GPC5: variants seen among roughly 807,000 people sequenced by gnomAD.
The protein encoded by GPC5 is glypican-5.
In GPC5, 47 loss-of-function variants were observed where a neutral mutation model predicts 53.9. That is an observed-to-expected ratio of 0.87 (90% CI 0.69 to 1.11). The LOEUF (loss-of-function observed/expected upper bound fraction) is 1.11. Ranked by LOEUF, GPC5 falls within the 50% of genes most tolerant of loss-of-function variation. The probability of loss-of-function intolerance (pLI) is 0.00; values close to 1 mark genes in which losing one functional copy is unlikely to be tolerated. For synonymous variants in GPC5, 286 were observed against 263.3 expected, an observed-to-expected ratio of 1.09 and a Z score of -0.84; for missense variants, 748 against 713.1, an observed-to-expected ratio of 1.05 and a Z score of -0.56.
At chr13:92,745,292 C>A (rs1889213124) in intron 7 of GPC5, among the ~76,000 whole-genome samples, 1 of 151,988 alleles carries the variant, frequency 6.6e-6, no homozygotes, top group South Asian at 2.1e-4. Flanking sequence ...AACACAAATT[C>A]TTTGTATTTT....
At chr13:91,526,305 T>G (rs536632555) in intron 2 of GPC5, among the ~76,000 whole-genome samples, 1 of 152,206 alleles carries the variant, frequency 6.6e-6, no homozygotes, top group African/African-American at 2.4e-5. Context: ...ATACTTGGAA[T>G]TGAAAGATCA....
At chr13:92,039,594 T>A (rs1365493168) in intron 6 of GPC5, among the ~76,000 whole-genome samples, 1 of 152,232 alleles carries the variant, frequency 6.6e-6, no homozygotes, top group Non-Finnish European at 1.5e-5. Flanking sequence ...GGAGCTGCCA[T>A]AACAAACTAC....
chr13:92,651,527 G>T (rs1220629479), intron 7 of GPC5, among the ~76,000 whole-genome samples: 3 of 152,074 alleles, frequency 2.0e-5, no homozygotes, highest in Non-Finnish European at 4.4e-5. Context: ...ATCTGCAAAA[G>T]TGTCACAGCC....
At chr13:91,977,733 G>C (rs894668245) in intron 6 of GPC5, among the ~76,000 whole-genome samples, 3 of 152,116 alleles carry the variant, frequency 2.0e-5, no homozygotes, top group Non-Finnish European at 1.5e-5. Flanking sequence ...AACATACTTT[G>C]TTAAAATAAT....
Position 92,172,357 on chromosome 13 carries a change from G to A in GPC5, c.1561+27368G>A, listed in dbSNP as rs141437367. On this transcript the variant is annotated intron_variant, in intron 7 of 7. Transcript: ENST00000377067. Reference sequence around the variant, plus strand: ...AGCCATTTAAGGATCATTATGGTATGAGTGCCAAAATGAAATGTTTTAAAG... The same window carrying A: ...AGCCATTTAAGGATCATTATGGTATAAGTGCCAAAATGAAATGTTTTAAAG... Among the ~76,000 whole-genome samples the A allele has an allele frequency of 2.7e-3, 406 of 152,282 alleles. 3 individuals carry two copies. Among genetic ancestry groups the A allele is most frequent in the African/African-American group, 9.2e-3 (382 of 41,558 alleles).
chr13:92,412,039 T>G (rs1297765908), intron 7 of GPC5, among the ~76,000 whole-genome samples: 1 of 152,190 alleles, frequency 6.6e-6, no homozygotes, highest in Admixed American at 6.5e-5. Context: ...ATTATTAACC[T>G]TTGACATACG....
At chr13:92,758,994 G>GTTTTTTTTTTTTT (rs68182839) in intron 7 of GPC5, among the ~76,000 whole-genome samples, 23 of 70,570 alleles carry the variant, frequency 3.3e-4, no homozygotes, top group East Asian at 6.3e-4. Flanking sequence ...TCCCATTGCG[G>GTTTTTTTTTTTTT]TTTTTTTTTT....
At chr13:91,854,796 A>G (rs2038949752) in intron 5 of GPC5, among the ~76,000 whole-genome samples, 1 of 151,828 alleles carries the variant, frequency 6.6e-6, no homozygotes, top group Non-Finnish European at 1.5e-5. Context: ...TATATTTTAA[A>G]TGAGGCTTAT....
At chr13:92,436,524 GCTTT>G (rs1877311547) in intron 7 of GPC5, among the ~76,000 whole-genome samples, 1 of 152,048 alleles carries the variant, frequency 6.6e-6, no homozygotes, top group Admixed American at 6.6e-5. Context: ...TCCATCTCTT[GCTTT>G]CTATTTCCCA....
chr13:91,865,072 C>T (rs184703510), intron 5 of GPC5, among the ~76,000 whole-genome samples: 6 of 151,790 alleles, frequency 4.0e-5, no homozygotes, highest in Admixed American at 6.6e-5. Flanking sequence ...ACACCACACC[C>T]GGCTAATTTT....
intron 4 of GPC5, among the ~76,000 whole-genome samples, chr13:91,735,706 A>G (rs1235362934): frequency 6.6e-6 from 1 of 151,218 alleles, no homozygotes; most frequent in East Asian, 1.9e-4. Flanking sequence ...TGATCATATT[A>G]GGTTTTCTGT....
intron 7 of GPC5, among the ~76,000 whole-genome samples, chr13:92,727,811 AC>A (rs1204905411): frequency 1.3e-5 from 2 of 151,376 alleles, no homozygotes; most frequent in South Asian, 2.1e-4. Flanking sequence ...CCTTTGGACT[AC>A]CTTCACCATC....
At chr13:91,802,164 C>T (rs575001288) in intron 5 of GPC5, among the ~76,000 whole-genome samples, 29 of 152,018 alleles carry the variant, frequency 1.9e-4, no homozygotes, top group Admixed American at 1.4e-3. Flanking sequence ...TGCGGACCCT[C>T]GTGGTGAGTG....
intron 7 of GPC5, among the ~76,000 whole-genome samples, chr13:92,410,924 A>G (rs1384894597): frequency 6.6e-6 from 1 of 152,240 alleles, no homozygotes; most frequent in Non-Finnish European, 1.5e-5. Flanking sequence ...AGAATGTATT[A>G]CATCTTTTCT....
At chr13:91,851,522 C>T (rs1051736082) in intron 5 of GPC5, among the ~76,000 whole-genome samples, 1 of 151,144 alleles carries the variant, frequency 6.6e-6, no homozygotes, top group African/African-American at 2.4e-5. Flanking sequence ...TATTATACTT[C>T]AAGTTTTAGG....
At chr13:92,210,990 C>G (rs528921237) in intron 7 of GPC5, among the ~76,000 whole-genome samples, 8 of 152,188 alleles carry the variant, frequency 5.3e-5, no homozygotes, top group Non-Finnish European at 8.8e-5. Context: ...TTCTACCACC[C>G]CACAAACAGC....
At chr13:91,815,514 C>T (rs567687936) in intron 5 of GPC5, among the ~76,000 whole-genome samples, 54 of 152,252 alleles carry the variant, frequency 3.5e-4, no homozygotes, top group African/African-American at 1.0e-3. Context: ...ATGATATAGA[C>T]GCTGTGATAG....
At chr13:92,644,269 A>T (rs1219710243) in intron 7 of GPC5, among the ~76,000 whole-genome samples, 1 of 152,218 alleles carries the variant, frequency 6.6e-6, no homozygotes, top group Non-Finnish European at 1.5e-5. Flanking sequence ...CAAGGTAAAT[A>T]CCTGTACCTT....
At chr13:91,680,275 C>T (rs532904886) in intron 2 of GPC5, among the ~76,000 whole-genome samples, 3 of 152,202 alleles carry the variant, frequency 2.0e-5, no homozygotes, top group Admixed American at 2.0e-4. Context: ...ATGGTGAAAC[C>T]TCATCTCTAC....
Sources: allele counts gnomAD v4.1 joint callset (sites outside exome capture counted in the v4.1 genomes callset), GRCh38; gene constraint gnomAD v4.1.1; transcripts MANE v1.5; gene names NCBI Gene and HGNC (gene_info 2026-07-23, HGNC 2026-07-21).